Variants in VCL observed in about 807,000 individuals in gnomAD.
VCL encodes vinculin, also known as epididymis luminal protein 114.
VCL carries 47 observed loss-of-function variants against 125.7 expected under a neutral mutation model. The observed-to-expected ratio is 0.37, with a 90% CI of 0.30 to 0.48. The LOEUF (loss-of-function observed/expected upper bound fraction) is 0.48, where lower values mean the gene tolerates loss of function less well. Among genes scored for constraint, VCL ranks in the 20% least tolerant of loss-of-function variants. VCL has a pLI of 0.99. For synonymous variants in VCL, 458 were observed against 514.6 expected (o/e 0.89, Z 1.49); for missense variants, 1,069 against 1,455.5 (o/e 0.73, Z 4.32).
At chr10:74,018,596 T>A (rs1840604304) in intron 1 of VCL, among the ~76,000 whole-genome samples, 1 of 152,142 alleles carries the variant, frequency 6.6e-6, no homozygotes, top group Admixed American at 6.6e-5. Context: ...GGTGTGAATG[T>A]GCAGTTAGGG....
intron 7 of VCL, among the ~76,000 whole-genome samples, chr10:74,082,946 A>T (rs561859033): frequency 6.6e-6 from 1 of 152,352 alleles, no homozygotes; most frequent in East Asian, 1.9e-4. Context: ...TGGAAAGTTG[A>T]CTGTATAAAG....
chr10:74,012,951 T>C (rs1380530894), intron 1 of VCL, among the ~76,000 whole-genome samples: 2 of 152,188 alleles, frequency 1.3e-5, no homozygotes, highest in African/African-American at 4.8e-5. Flanking sequence ...TTTTTCCTTA[T>C]TATGCTTATC....
At position 74,105,167 on chromosome 10, in the gene VCL, G is replaced by C; in HGVS notation, c.2248G>C (p.Val750Leu). Residue 750 changes from valine to leucine, a missense_variant, in exon 16 of 22, where the codon GTT becomes CTT. Physicochemically the swap from Val to Leu is conservative, Grantham distance 32. Coordinates refer to ENST00000211998, the MANE Select transcript of VCL (RefSeq NM_014000.3). ...AMANIQPQML[V>L]AGATSIARRA... ...GGCCAACATTCAGCCTCAGATGCTG[G>C]TTGCTGGGGCAACCAGTATTGCTCG... 6.2e-7 allele frequency: 1 copy of C among 1,614,206 alleles called. No homozygotes were observed.
intron 6 of VCL, among the ~76,000 whole-genome samples, chr10:74,078,398 G>A (rs553367806): frequency 1.3e-5 from 2 of 151,752 alleles, no homozygotes; most frequent in African/African-American, 4.9e-5. Flanking sequence ...AGACCACTGG[G>A]ATTTAAGAGT....
Position 74,111,992 on chromosome 10 carries a change from T to A in VCL, c.2829T>A (p.Pro943=). The A allele has an allele frequency of 6.2e-7, 1 of 1,612,862 alleles. No homozygotes were observed. The highest frequency in any genetic ancestry group is 8.5e-7 in the Non-Finnish European group (1 of 1,178,852). ...ATGCTGCTGGCTTCCCTGTCCCCCC[T>A]GACATGGAAGACGATTACGAACCTG... ...AADAAGFPVP[P]DMEDDYEPEL... The change falls in exon 19 of 22, where the codon CCT becomes CCA. Residue 943 remains proline (P), a synonymous_variant. Coordinates refer to ENST00000211998, the MANE Select transcript of VCL (RefSeq NM_014000.3).
At chr10:74,044,861 C>G (rs1841165498) in intron 2 of VCL, among the ~76,000 whole-genome samples, 1 of 151,998 alleles carries the variant, frequency 6.6e-6, no homozygotes, top group South Asian at 2.1e-4. Flanking sequence ...TAATTTTATG[C>G]TATATGAGTT....
At chr10:74,111,702 T>C (rs189390646) in intron 18 of VCL, among the ~76,000 whole-genome samples, 19 of 152,294 alleles carry the variant, frequency 1.2e-4, no homozygotes, top group African/African-American at 4.1e-4. Flanking sequence ...TTTTCTTCTC[T>C]CACCACACAG....
intron 1 of VCL, among the ~76,000 whole-genome samples, chr10:74,026,174 A>G (rs1436093769): frequency 6.6e-6 from 1 of 152,226 alleles, no homozygotes; most frequent in African/African-American, 2.4e-5. Flanking sequence ...CATGTTGAAC[A>G]TGCCTGGCCC....
rs111801462 is a variant in VCL, at chr10:74,100,250, T to G, written c.1873-698T>G. On this transcript the variant is annotated intron_variant, in intron 13 of 21. Transcript: ENST00000211998. ...TGCTACTTTAAGTTTAATAGTCCCC[T>G]CCACAGTATGCAACCTTGCACAGTA... 6.6e-5 allele frequency among the ~76,000 whole-genome samples: 10 copies of G among 152,348 alleles called. 1 individual carries two copies. The highest frequency in any genetic ancestry group is 2.4e-4 in the African/African-American group (10 of 41,584).
At chr10:74,094,575 T>A in intron 11 of VCL, 114 bp downstream of exon 11, 1 of 1,266,276 alleles carries the variant, frequency 7.9e-7, no homozygotes, top group African/African-American at 1.5e-5. Context: ...TAGCTGCTGA[T>A]AAGTAACTGT....
At chr10:74,018,380 T>C (rs1002179398) in intron 1 of VCL, among the ~76,000 whole-genome samples, 1 of 151,858 alleles carries the variant, frequency 6.6e-6, no homozygotes. Context: ...TCTGACGGAC[T>C]TGGGCTAGGA....
chr10:74,022,798 G>A (rs1288005422), intron 1 of VCL, among the ~76,000 whole-genome samples: 5 of 151,450 alleles, frequency 3.3e-5, no homozygotes, highest in Non-Finnish European at 5.9e-5. Context: ...CACCACACCC[G>A]GCTAAATTTT....
intron 1 of VCL, 111 bp from the exon 2 acceptor site, chr10:74,042,972 G>A: frequency 8.8e-7 from 1 of 1,138,330 alleles, no homozygotes; most frequent in East Asian, 2.6e-5. Flanking sequence ...CTTAAATCTA[G>A]AAACTTTAAT....
intron 8 of VCL, among the ~76,000 whole-genome samples, chr10:74,086,397 C>G (rs982277590): frequency 5.9e-5 from 9 of 152,210 alleles, no homozygotes; most frequent in Non-Finnish European, 1.0e-4. Flanking sequence ...TAAATGTGAT[C>G]CCATTGAGTT....
chr10:74,099,772 G>T (rs1840022530), intron 13 of VCL, among the ~76,000 whole-genome samples: 1 of 152,198 alleles, frequency 6.6e-6, no homozygotes, highest in Admixed American at 6.5e-5. Context: ...ACCAGCTAGG[G>T]TAAAAGAACT....
chr10:74,114,435 G>GCA, intron 20 of VCL, 48 bp downstream of exon 20: 1 of 1,507,428 alleles, frequency 6.6e-7, no homozygotes, highest in Non-Finnish European at 9.0e-7. Context: ...GTGTGTGTGT[G>GCA]TGCGTGTGTG....
intron 12 of VCL, among the ~76,000 whole-genome samples, chr10:74,096,753 C>A (rs1271168196): frequency 6.6e-6 from 1 of 152,210 alleles, no homozygotes; most frequent in African/African-American, 2.4e-5. Context: ...TTCTTGATTT[C>A]TTTCCTCTTA....
chr10:74,080,485 T>G (rs1839659284), intron 6 of VCL, among the ~76,000 whole-genome samples: 1 of 152,174 alleles, frequency 6.6e-6, no homozygotes, highest in African/African-American at 2.4e-5. Context: ...AAACAGAACC[T>G]AACATGCAGG....
At chr10:74,032,255 A>AAG (rs1188339754) in intron 1 of VCL, among the ~76,000 whole-genome samples, 1 of 150,150 alleles carries the variant, frequency 6.7e-6, no homozygotes, top group Non-Finnish European at 1.5e-5. Context: ...AAAAAAAAAA[A>AAG]AAAAAGAAAA....
Sources: gnomAD v4.1 joint callset for allele counts (sites outside exome capture counted in the v4.1 genomes callset) on GRCh38, gnomAD v4.1.1 for gene constraint, MANE v1.5 for transcripts, NCBI Gene and HGNC (gene_info 2026-07-23, HGNC 2026-07-21) for gene names.